Variants in CSNK2A2IP observed in about 807,000 individuals in gnomAD.
The protein encoded by CSNK2A2IP is casein kinase II subunit alpha'-interacting protein.
the CSNK2A2IP span, among the ~76,000 whole-genome samples, chr3:88,426,882 C>A: frequency 1.8e-5 from 1 of 56,986 alleles, no homozygotes; most frequent in African/African-American, 4.5e-5. Context: ...ATTGGTACCA[C>A]GGGGGATGGG....
the CSNK2A2IP span, among the ~76,000 whole-genome samples, chr3:88,423,849 T>C: frequency 2.6e-4 from 39 of 152,308 alleles, no homozygotes; most frequent in African/African-American, 8.9e-4. Flanking sequence ...ACCAGCATCT[T>C]GGTGAAGTAA....
chr3:88,352,438 A>G, the CSNK2A2IP span, among the ~76,000 whole-genome samples: 1 of 152,298 alleles, frequency 6.6e-6, no homozygotes, highest in South Asian at 2.1e-4. Flanking sequence ...ATTATAGTAA[A>G]GAAAATGGCA....
chr3:88,374,306 G>A, the CSNK2A2IP span, among the ~76,000 whole-genome samples: 1 of 151,656 alleles, frequency 6.6e-6, no homozygotes, highest in East Asian at 1.9e-4. Context: ...GTTTGTATGT[G>A]TTGAATTCAA....
At chr3:88,396,446 C>T in the CSNK2A2IP span, among the ~76,000 whole-genome samples, 49 of 152,136 alleles carry the variant, frequency 3.2e-4, no homozygotes, top group Non-Finnish European at 6.3e-4. Context: ...GTAACTTGAC[C>T]TTAGGAGGAG....
chr3:88,452,135 G>A, the CSNK2A2IP span, among the ~76,000 whole-genome samples: 1 of 151,446 alleles, frequency 6.6e-6, no homozygotes, highest in Admixed American at 6.6e-5. Context: ...TCCACCCCTT[G>A]CTCCTAATCT....
At chr3:88,457,032 T>A in the CSNK2A2IP span, among the ~76,000 whole-genome samples, 1 of 152,088 alleles carries the variant, frequency 6.6e-6, no homozygotes, top group African/African-American at 2.4e-5. Context: ...ATAAAAAAAA[T>A]AAATAACAGG....
the CSNK2A2IP span, among the ~76,000 whole-genome samples, chr3:88,375,448 C>T: frequency 1.3e-5 from 2 of 151,638 alleles, no homozygotes; most frequent in Admixed American, 6.6e-5. Context: ...TTATGAGAGG[C>T]CTCTGGTTGT....
the CSNK2A2IP span, among the ~76,000 whole-genome samples, chr3:88,423,641 G>A: frequency 6.6e-6 from 1 of 152,142 alleles, no homozygotes; most frequent in African/African-American, 2.4e-5. Flanking sequence ...CTAGGGAGCA[G>A]AACACGAGTC....
the CSNK2A2IP span, among the ~76,000 whole-genome samples, chr3:88,342,920 A>G: frequency 2.6e-5 from 4 of 151,924 alleles, 1 homozygote; most frequent in South Asian, 2.1e-4. Context: ...AGCACTTGCT[A>G]TTTGGCTTGT....
chr3:88,404,872 TC>T, the CSNK2A2IP span, among the ~76,000 whole-genome samples: 1 of 152,180 alleles, frequency 6.6e-6, no homozygotes, highest in East Asian at 1.9e-4. Flanking sequence ...TCTGTTTACT[TC>T]TTTCTAAAAT....
At chr3:88,355,655 T>C in the CSNK2A2IP span, among the ~76,000 whole-genome samples, 1 of 152,194 alleles carries the variant, frequency 6.6e-6, no homozygotes, top group Non-Finnish European at 1.5e-5. Flanking sequence ...TTAAGAAGTA[T>C]GTTATTATTA....
chr3:88,445,458 A>G, the CSNK2A2IP span, among the ~76,000 whole-genome samples: 1 of 152,078 alleles, frequency 6.6e-6, no homozygotes, highest in African/African-American at 2.4e-5. Context: ...AATATAAAAT[A>G]AAATAAAAGG....
At chr3:88,436,735 A>G in the CSNK2A2IP span, among the ~76,000 whole-genome samples, 1 of 152,258 alleles carries the variant, frequency 6.6e-6, no homozygotes, top group Middle Eastern at 3.4e-3. Context: ...TCCTGATAGT[A>G]TATAAAATTT....
At chr3:88,407,968 C>T in the CSNK2A2IP span, among the ~76,000 whole-genome samples, 1 of 152,040 alleles carries the variant, frequency 6.6e-6, no homozygotes, top group East Asian at 1.9e-4. Flanking sequence ...GGTGATCCAC[C>T]CACCTTGACC....
chr3:88,439,700 C>G, the CSNK2A2IP span, among the ~76,000 whole-genome samples: 1 of 147,390 alleles, frequency 6.8e-6, no homozygotes, highest in Non-Finnish European at 1.5e-5. Context: ...CGAGATCATG[C>G]CACAGCACTC....
the CSNK2A2IP span, among the ~76,000 whole-genome samples, chr3:88,388,714 C>G: frequency 6.6e-6 from 1 of 152,102 alleles, no homozygotes; most frequent in African/African-American, 2.4e-5. Flanking sequence ...ACCTTCATAT[C>G]CCTGTATAGA....
chr3:88,351,600 G>A, the CSNK2A2IP span, among the ~76,000 whole-genome samples: 98 of 152,022 alleles, frequency 6.4e-4, no homozygotes, highest in African/African-American at 9.9e-4. Context: ...ATATCACACC[G>A]TATACTGTCT....
chr3:88,370,598 TTC>T, the CSNK2A2IP span, among the ~76,000 whole-genome samples: 4,351 of 128,842 alleles, frequency 0.034, 120 homozygotes, highest in East Asian at 0.14. Context: ...CTTTCTTTCT[TTC>T]TCTCTCTCTC....
the CSNK2A2IP span, among the ~76,000 whole-genome samples, chr3:88,375,240 T>G: frequency 6.6e-6 from 1 of 151,716 alleles, no homozygotes; most frequent in Non-Finnish European, 1.5e-5. Flanking sequence ...AAAAAGTATC[T>G]CAGTTTTACC....
Sources: gnomAD v4.1 joint callset for allele counts (sites outside exome capture counted in the v4.1 genomes callset) on GRCh38, gnomAD v4.1.1 for gene constraint, MANE v1.5 for transcripts, NCBI Gene and HGNC (gene_info 2026-07-23, HGNC 2026-07-21) for gene names.